The following TRPC1 variants were observed in gnomAD, a reference collection of about 807,000 sequenced individuals.
TRPC1 encodes short transient receptor potential channel 1.
Under a neutral mutation model 88.2 loss-of-function variants are expected in TRPC1, and 42 were observed. The ratio of observed to expected loss-of-function variants is 0.48; its 90% confidence interval spans 0.37 to 0.62. The LOEUF is 0.62. Among genes scored for constraint, TRPC1 ranks in the 20% least tolerant of loss-of-function variants. The probability of loss-of-function intolerance (pLI) is 0.00; values close to 1 mark genes in which losing one functional copy is unlikely to be tolerated. For missense variants in TRPC1, 699 were observed against 957.3 expected (o/e 0.73, Z 3.56); for synonymous variants, 288 against 331.8 (o/e 0.87, Z 1.43).
chr3:142,743,543 T>C lies in TRPC1; in HGVS notation c.386T>C (p.Leu129Pro), dbSNP rs1335013669. Reference sequence around the variant, plus strand: ...GAAGTAGTGGGAGCTGTTGATATACTACTTAATCATCGACCAAAACGATCA... The same window carrying C: ...GAAGTAGTGGGAGCTGTTGATATACCACTTAATCATCGACCAAAACGATCA... ...DSEVVGAVDI[L>P]LNHRPKRSSR... The change falls in exon 3 of 13, where the codon CTA (leucine) becomes CCA (proline). Residue 129 changes from leucine (L) to proline (P), a missense_variant. By Grantham distance (98) the Leu-to-Pro change is moderately conservative. This residue lies in a region of TRPC1 where 426 missense variants were observed against 641.3 expected (regional missense o/e 0.66). Coordinates refer to ENST00000476941, the MANE Select transcript of TRPC1 (RefSeq NM_001251845.2). The C allele has an allele frequency of 1.3e-6, 2 of 1,528,110 alleles. No homozygotes were observed. The highest frequency in any genetic ancestry group is 1.4e-5 in the African/African-American group (1 of 72,542). The allele number at this position is 1,528,110 out of a possible 1,614,324, so 94.7% of individuals were successfully genotyped here.
chr3:142,743,126 T>A (rs1934414324), intron 2 of TRPC1, among the ~76,000 whole-genome samples: 1 of 152,114 alleles, frequency 6.6e-6, no homozygotes, highest in African/African-American at 2.4e-5. Context: ...TTTTATAGAT[T>A]TGGATTGTTA....
chr3:142,803,627 G>T (rs55851231), intron 10 of TRPC1, among the ~76,000 whole-genome samples: 15,937 of 151,682 alleles, frequency 0.11, 925 homozygotes, highest in Non-Finnish European at 0.14. Context: ...GGACTTTTTT[G>T]CCCTTGTAAG....
At chr3:142,725,977 T>C (rs1933656008) in intron 1 of TRPC1, among the ~76,000 whole-genome samples, 1 of 152,176 alleles carries the variant, frequency 6.6e-6, no homozygotes, top group African/African-American at 2.4e-5. Context: ...ATTAATAATA[T>C]TGTTAAAGTA....
chr3:142,737,925 A>G (rs1340647555), intron 2 of TRPC1, among the ~76,000 whole-genome samples: 1 of 152,242 alleles, frequency 6.6e-6, no homozygotes, highest in Non-Finnish European at 1.5e-5. Context: ...TTAAAATTAA[A>G]CACTTAAAGG....
intron 3 of TRPC1, among the ~76,000 whole-genome samples, chr3:142,744,259 TA>T (rs541807427): frequency 5.3e-5 from 8 of 151,944 alleles, no homozygotes; most frequent in East Asian, 1.9e-4. Flanking sequence ...GTTGAAAATT[TA>T]AAAAAAATCA....
rs1935298496 is a variant in TRPC1, at chr3:142,764,007, TATATATATAA to T, written c.633-13624_633-13615del. On this transcript the variant is annotated intron_variant, in intron 4 of 12. Transcript: ENST00000476941. ...ATACACATACATACATACATATATATATATATATAACAAATTATTTTAAAGAGATGACACT... is the reference window on the plus strand; with the variant it reads ...ATACACATACATACATACATATATATCAAATTATTTTAAAGAGATGACACT... Among the ~76,000 whole-genome samples, 20 of 123,398 alleles carry T rather than the reference TATATATATAA, an allele frequency of 1.6e-4. 2 individuals carry two copies. The highest frequency in any genetic ancestry group is 6.3e-4 in the African/African-American group (20 of 31,732). The allele number at this position is 123,398 out of a possible 152,430, so 81.0% of individuals were successfully genotyped here. A position where few individuals can be genotyped will look rare whatever the true frequency, so the allele number is the denominator to read the frequency against.
chr3:142,757,403 C>G (rs1935013303), intron 4 of TRPC1, among the ~76,000 whole-genome samples: 2 of 151,902 alleles, frequency 1.3e-5, no homozygotes, highest in Non-Finnish European at 2.9e-5. Flanking sequence ...AGGACCCAAC[C>G]CAAATGCCCA....
intron 5 of TRPC1, among the ~76,000 whole-genome samples, chr3:142,779,937 C>G (rs1489675287): frequency 6.6e-6 from 1 of 150,430 alleles, no homozygotes. Context: ...AACCTCCCCT[C>G]CTGGGTTCAA....
intron 4 of TRPC1, among the ~76,000 whole-genome samples, chr3:142,753,980 G>C (rs1460624036): frequency 4.6e-5 from 7 of 151,504 alleles, no homozygotes; most frequent in Non-Finnish European, 1.0e-4. Flanking sequence ...AGCTATGCAG[G>C]AGGCTGAGGT....
Position 142,724,916 on chromosome 3 carries a change from A to G in TRPC1, c.172+185A>G, listed in dbSNP as rs1933609863. Among the ~76,000 whole-genome samples the G allele has an allele frequency of 6.6e-6, 1 of 151,906 alleles. No homozygotes were observed. Among genetic ancestry groups the G allele is most frequent in the Admixed American group, 6.5e-5 (1 of 15,272 alleles). On this transcript the variant is annotated intron_variant, in intron 1 of 12. Transcript: ENST00000476941. This position sits in a 1 kb window ranked among gnomAD's most constrained non-coding sequence, Gnocchi z 5.6. ...GCCCTGTGAGTGTGGAGCTGGCGGG[A>G]GAGTGGAGCTGGGGCTGCGCCCTCG...
At chr3:142,746,511 CAATA>C (rs1210547519) in intron 3 of TRPC1, among the ~76,000 whole-genome samples, 1 of 151,662 alleles carries the variant, frequency 6.6e-6, no homozygotes, top group Non-Finnish European at 1.5e-5. Flanking sequence ...TTGAAGTCCT[CAATA>C]AATAAATAAG....
intron 4 of TRPC1, among the ~76,000 whole-genome samples, chr3:142,764,443 A>G (rs6781249): frequency 0.78 from 118,378 of 152,064 alleles, 47,119 homozygotes; most frequent in African/African-American, 0.95. Flanking sequence ...TGCAAGGTGG[A>G]TCTGGTAGTG....
At chr3:142,739,209 G>C (rs1934254498) in intron 2 of TRPC1, among the ~76,000 whole-genome samples, 1 of 152,026 alleles carries the variant, frequency 6.6e-6, no homozygotes, top group East Asian at 1.9e-4. Flanking sequence ...CCTGACCTCA[G>C]GTGATCCACC....
intron 1 of TRPC1, among the ~76,000 whole-genome samples, chr3:142,725,491 AG>A (rs1158948846): frequency 6.6e-6 from 1 of 152,240 alleles, no homozygotes; most frequent in Admixed American, 6.5e-5. Flanking sequence ...GAATATATTT[AG>A]CGCGTTATCC....
At chr3:142,763,983 TA>T (rs1935290499) in intron 4 of TRPC1, among the ~76,000 whole-genome samples, 8 of 74,352 alleles carry the variant, frequency 1.1e-4, no homozygotes, top group African/African-American at 5.1e-4. Context: ...TATATATATA[TA>T]CACATACATA....
intron 4 of TRPC1, among the ~76,000 whole-genome samples, chr3:142,760,635 A>G (rs1935150030): frequency 1.3e-5 from 2 of 152,108 alleles, no homozygotes; most frequent in Admixed American, 1.3e-4. Context: ...TGGTATTTTG[A>G]TAAGGATTGC....
chr3:142,725,033 C>T (rs573043078), intron 1 of TRPC1, among the ~76,000 whole-genome samples: 23 of 152,332 alleles, frequency 1.5e-4, no homozygotes, highest in Admixed American at 5.9e-4. Context: ...TAGCGCCGCC[C>T]TTGCTACTGA....
chr3:142,734,793 A>G (rs544536077), intron 1 of TRPC1, among the ~76,000 whole-genome samples: 2 of 152,142 alleles, frequency 1.3e-5, no homozygotes, highest in African/African-American at 4.8e-5. Context: ...AAAATAAAAA[A>G]AAAAATTGAA....
At chr3:142,781,716 A>G (rs1353722688) in intron 6 of TRPC1, among the ~76,000 whole-genome samples, 1 of 152,112 alleles carries the variant, frequency 6.6e-6, no homozygotes, top group East Asian at 1.9e-4. Context: ...ATAATTAACT[A>G]AACAGTGATA....
Sources: gnomAD v4.1 joint callset for allele counts (sites outside exome capture counted in the v4.1 genomes callset) on GRCh38, gnomAD v4.1.1 for gene constraint, gnomAD v4.1.1 regional missense constraint, Gnocchi (gnomAD v3.1) non-coding constraint, MANE v1.5 for transcripts, NCBI Gene and HGNC (gene_info 2026-07-23, HGNC 2026-07-21) for gene names.